The following NELL2 variants were observed in gnomAD, a reference collection of about 807,000 sequenced individuals.
The protein encoded by NELL2 is protein kinase C-binding protein NELL2.
Under a neutral mutation model 109.6 loss-of-function variants are expected in NELL2, and 41 were observed. The observed-to-expected ratio is 0.37, with a 90% confidence interval of 0.29 to 0.49. The LOEUF (loss-of-function observed/expected upper bound fraction) is 0.49, where lower values mean the gene tolerates loss of function less well. Among genes scored for constraint, NELL2 ranks in the 20% least tolerant of loss-of-function variants. The pLI is 0.98. For synonymous variants in NELL2, 355 were observed against 344.7 expected, an observed-to-expected ratio of 1.03 and a Z score of -0.33; for missense variants, 900 against 1,008.3, an observed-to-expected ratio of 0.89 and a Z score of 1.45.
chr12:44,736,743 GA>G (rs1446570108), intron 9 of NELL2, among the ~76,000 whole-genome samples: 2 of 151,998 alleles, frequency 1.3e-5, no homozygotes, highest in Admixed American at 6.6e-5. Flanking sequence ...ATTTTACAAA[GA>G]ATATTTGAAA....
chr12:44,590,997 G>T (rs1944724843), intron 15 of NELL2, among the ~76,000 whole-genome samples: 3 of 151,326 alleles, frequency 2.0e-5, no homozygotes, highest in Non-Finnish European at 4.4e-5. Context: ...CAGAGAACAT[G>T]CAAATGGCCA....
chr12:44,676,273 G>A (rs1948313897), intron 12 of NELL2, among the ~76,000 whole-genome samples: 4 of 152,138 alleles, frequency 2.6e-5, no homozygotes, highest in Admixed American at 1.3e-4. Flanking sequence ...TCTAAGAAAT[G>A]TAATTCTGGA....
At chr12:44,627,891 G>A (rs1166267203) in intron 13 of NELL2, among the ~76,000 whole-genome samples, 1 of 152,164 alleles carries the variant, frequency 6.6e-6, no homozygotes, top group African/African-American at 2.4e-5. Flanking sequence ...TTGCAAATAA[G>A]TGGTTCCTGG....
chr12:44,765,955 A>T (rs1285135944), intron 9 of NELL2, among the ~76,000 whole-genome samples: 1 of 152,132 alleles, frequency 6.6e-6, no homozygotes, highest in East Asian at 1.9e-4. Flanking sequence ...CCCCATCTCT[A>T]CTAAAAGTAC....
chr12:44,886,346 A>G (rs1235629190), intron 1 of NELL2, among the ~76,000 whole-genome samples: 1 of 151,970 alleles, frequency 6.6e-6, no homozygotes, highest in African/African-American at 2.4e-5. Context: ...TACTTCATCA[A>G]AATTAAAAAC....
At chr12:44,855,709 T>C (rs1506678) in intron 2 of NELL2, among the ~76,000 whole-genome samples, 51,600 of 152,054 alleles carry the variant, frequency 0.34, 9,164 homozygotes, top group South Asian at 0.58. Flanking sequence ...CTGCTAAATG[T>C]TGAATTCGCA....
At position 44,730,432 on chromosome 12, in the gene NELL2, G is replaced by T. The variant is rs189657197; in HGVS notation, c.995-15691C>A. Among the ~76,000 whole-genome samples, 24 of 152,216 alleles carry T rather than the reference G, an allele frequency of 1.6e-4. No homozygotes were observed. In the East Asian group the frequency reaches 4.4e-3, roughly 28 times the overall value. ...AATTTAAGAAGATGAAATCATACCA[G>T]TATCTTTTCCAAACACAATGAAATG... is the stretch of plus-strand genomic sequence containing the variant. On this transcript the variant is annotated intron_variant, in intron 9 of 19. Coordinates refer to ENST00000429094, the MANE Select transcript of NELL2 (RefSeq NM_001145108.2).
chr12:44,813,527 C>T (rs1418410995), intron 3 of NELL2, among the ~76,000 whole-genome samples: 1 of 152,018 alleles, frequency 6.6e-6, no homozygotes, highest in East Asian at 1.9e-4. Context: ...GAAAACCTAA[C>T]AGCTGAGCAC....
At chr12:44,738,653 G>A (rs1028382257) in intron 9 of NELL2, among the ~76,000 whole-genome samples, 7 of 151,572 alleles carry the variant, frequency 4.6e-5, no homozygotes, top group South Asian at 2.1e-4. Context: ...GCCATGGGCC[G>A]TGGTCAGGGG....
At chr12:44,666,237 A>G (rs887635581) in intron 12 of NELL2, among the ~76,000 whole-genome samples, 1 of 152,230 alleles carries the variant, frequency 6.6e-6, no homozygotes, top group Non-Finnish European at 1.5e-5. Flanking sequence ...TCACACACTG[A>G]GTTTTGAGTA....
At chr12:44,661,012 G>A (rs369238344) in intron 13 of NELL2, among the ~76,000 whole-genome samples, 35 of 152,142 alleles carry the variant, frequency 2.3e-4, no homozygotes, top group Non-Finnish European at 3.7e-4. Flanking sequence ...CCACTAAAGC[G>A]TTAACTGAAT....
At chr12:44,593,284 A>G (rs1376999) in intron 15 of NELL2, among the ~76,000 whole-genome samples, 128,231 of 152,198 alleles carry the variant, frequency 0.84, 54,443 homozygotes, top group East Asian at 1. Flanking sequence ...AGATGATTAC[A>G]TGTATAATCT....
intron 1 of NELL2, among the ~76,000 whole-genome samples, chr12:44,882,625 T>C (rs928692194): frequency 2.0e-5 from 3 of 151,600 alleles, no homozygotes; most frequent in African/African-American, 7.3e-5. Flanking sequence ...CCTCCCGAGT[T>C]CGAGCAATTC....
At chr12:44,881,701 G>A (rs764380462) in intron 1 of NELL2, 17 of 151,810 alleles carry the variant, frequency 1.1e-4, no homozygotes, top group Non-Finnish European at 2.2e-4. Flanking sequence ...AAGAAAGAGT[G>A]CAGACATTTT....
intron 9 of NELL2, among the ~76,000 whole-genome samples, chr12:44,745,336 C>A (rs960633549): frequency 6.6e-6 from 1 of 152,068 alleles, no homozygotes; most frequent in African/African-American, 2.4e-5. Flanking sequence ...AAACCCACAG[C>A]CAATATCATA....
chr12:44,527,859 C>T (rs1206552109), intron 16 of NELL2, among the ~76,000 whole-genome samples: 3 of 151,774 alleles, frequency 2.0e-5, no homozygotes, highest in Admixed American at 1.3e-4. Context: ...TTTGGGAGGC[C>T]GAGGCGGACG....
intron 13 of NELL2, among the ~76,000 whole-genome samples, chr12:44,619,213 G>C (rs762301164): frequency 5.3e-5 from 8 of 152,126 alleles, no homozygotes; most frequent in African/African-American, 1.9e-4. Flanking sequence ...AGGTGCACAA[G>C]ATAAAAGCAT....
At chr12:44,695,691 T>G (rs1288555785) in intron 12 of NELL2, among the ~76,000 whole-genome samples, 1 of 152,162 alleles carries the variant, frequency 6.6e-6, no homozygotes, top group Non-Finnish European at 1.5e-5. Flanking sequence ...TAAATGATTT[T>G]GAAGGAGTCA....
chr12:44,658,931 C>T (rs12578861), intron 13 of NELL2, among the ~76,000 whole-genome samples: 23,805 of 147,558 alleles, frequency 0.16, 1,981 homozygotes, highest in East Asian at 0.21. Context: ...GGAGGCATCA[C>T]ACTACCTGAT....
Sources: gnomAD v4.1 joint callset for allele counts (sites outside exome capture counted in the v4.1 genomes callset) on GRCh38, gnomAD v4.1.1 for gene constraint, MANE v1.5 for transcripts, NCBI Gene and HGNC (gene_info 2026-07-23, HGNC 2026-07-21) for gene names.